The following USP30 variants were observed in gnomAD, a reference collection of about 807,000 sequenced individuals.
USP30 encodes the protein ubiquitin carboxyl-terminal hydrolase 30.
In USP30, 41 loss-of-function variants were observed where a neutral mutation model predicts 68.2. That is an observed-to-expected ratio of 0.60 (90% CI 0.47 to 0.78). USP30 has a LOEUF of 0.78. Among genes scored for constraint, USP30 ranks in the 30% least tolerant of loss-of-function variants. The probability of loss-of-function intolerance (pLI) is 0.00; values close to 1 mark genes in which losing one functional copy is unlikely to be tolerated. For missense variants in USP30, 522 were observed against 649.4 expected, an observed-to-expected ratio of 0.80 and a Z score of 2.13; for synonymous variants, 229 against 253.7, an observed-to-expected ratio of 0.90 and a Z score of 0.93.
intron 6 of USP30, among the ~76,000 whole-genome samples, chr12:109,073,201 A>G (rs1000006574): frequency 6.6e-6 from 1 of 152,246 alleles, no homozygotes; most frequent in Non-Finnish European, 1.5e-5. Context: ...CCTTTTTAAA[A>G]TGTGGCTCTA....
At chr12:109,024,456 T>C (rs1168206113) in intron 1 of USP30, among the ~76,000 whole-genome samples, 2 of 151,748 alleles carry the variant, frequency 1.3e-5, no homozygotes, top group Non-Finnish European at 2.9e-5. Flanking sequence ...GGGGGTATCA[T>C]CATGTTGCCC....
intron 7 of USP30, 88 bp downstream of exon 7, chr12:109,073,620 C>G: frequency 1.7e-6 from 2 of 1,172,874 alleles, no homozygotes; most frequent in Non-Finnish European, 2.5e-6. Context: ...GGGCTGACAT[C>G]GGTCACTGGT....
intron 3 of USP30, among the ~76,000 whole-genome samples, chr12:109,066,296 T>G (rs972429615): frequency 2.0e-5 from 3 of 151,752 alleles, no homozygotes; most frequent in African/African-American, 7.3e-5. Flanking sequence ...TTTCTGGACT[T>G]TTACAGAAAA....
chr12:109,025,862 A>G (rs1342905326), intron 2 of USP30, among the ~76,000 whole-genome samples: 1 of 151,586 alleles, frequency 6.6e-6, no homozygotes, highest in Non-Finnish European at 1.5e-5. Flanking sequence ...TAATTTTTGT[A>G]TTTTTTGTAG....
intron 3 of USP30, among the ~76,000 whole-genome samples, chr12:109,043,008 G>A (rs1421008847): frequency 6.6e-6 from 1 of 152,056 alleles, no homozygotes; most frequent in South Asian, 2.1e-4. Context: ...ATTTACAATA[G>A]CACCAAAAAG....
chr12:109,030,552 A>C (rs1384729684), intron 3 of USP30, among the ~76,000 whole-genome samples: 2 of 152,186 alleles, frequency 1.3e-5, no homozygotes, highest in Non-Finnish European at 2.9e-5. Context: ...CGATACTTGA[A>C]ATTTCTTAAA....
In USP30 at chr12:109,052,645, G is replaced by A. The variant is rs976428587; in HGVS notation, c.-34G>A. ...TCCGGCGGCGGCGGCGGCGGTAGCG[G>A]AGGAGACGGTTTCAGGCCTCCGGTG... On this transcript the variant is annotated 5_prime_UTR_variant, in exon 1 of 13. Coordinates refer to ENST00000257548, the MANE Select transcript of USP30 (RefSeq NM_032663.5). 30 of 1,470,368 alleles carry A rather than the reference G, an allele frequency of 2.0e-5. No homozygotes were observed. The highest frequency in any genetic ancestry group is 4.4e-5 in the African/African-American group (3 of 67,518). 91.1% of individuals were successfully genotyped at this position (1,470,368 alleles called of 1,614,324 possible). A position where few individuals can be genotyped will look rare whatever the true frequency, so the allele number is the denominator to read the frequency against.
chr12:109,035,812 A>G (rs2040514902), intron 3 of USP30, among the ~76,000 whole-genome samples: 1 of 152,226 alleles, frequency 6.6e-6, no homozygotes, highest in Non-Finnish European at 1.5e-5. Flanking sequence ...GCATAAATTT[A>G]TAATTATTGC....
chr12:109,063,642 C>T (rs1028590025), intron 3 of USP30, among the ~76,000 whole-genome samples: 18 of 152,126 alleles, frequency 1.2e-4, no homozygotes, highest in Admixed American at 1.2e-3. Context: ...ACAGATGGTG[C>T]ACGATTTTAT....
chr12:109,029,625 A>T (rs2040467474), intron 3 of USP30, among the ~76,000 whole-genome samples: 1 of 152,154 alleles, frequency 6.6e-6, no homozygotes, highest in Admixed American at 6.5e-5. Context: ...TCCGTGCCTG[A>T]GCTATCTTAT....
intron 4 of USP30, among the ~76,000 whole-genome samples, chr12:109,071,386 G>A (rs111502182): frequency 1.3e-5 from 2 of 152,208 alleles, no homozygotes; most frequent in African/African-American, 4.8e-5. Flanking sequence ...CGTGAAGGCA[G>A]CCACCTGGCT....
intron 3 of USP30, among the ~76,000 whole-genome samples, chr12:109,029,232 G>A (rs1324391694): frequency 6.6e-6 from 1 of 152,232 alleles, no homozygotes. Context: ...ATTAAAGAAA[G>A]AGGAAAGAAA....
intron 7 of USP30, among the ~76,000 whole-genome samples, chr12:109,078,585 C>G (rs1383412261): frequency 1.3e-5 from 2 of 149,112 alleles, no homozygotes; most frequent in East Asian, 3.9e-4. Context: ...GGCGACAAAG[C>G]GAGACTCCAT....
Position 109,052,692 on chromosome 12 carries a change from G to A in USP30, c.14G>A (p.Arg5Gln), listed in dbSNP as rs369047786. 2.6e-4 allele frequency: 380 copies of A among 1,488,630 alleles called. 1 individual carries two copies. Among genetic ancestry groups the A allele is most frequent in the Middle Eastern group, 9.4e-4 (5 of 5,344 alleles). 92.2% of individuals were successfully genotyped at this position (1,488,630 alleles called of 1,614,324 possible). A position where few individuals can be genotyped will look rare whatever the true frequency, so the allele number is the denominator to read the frequency against. Residue 5 changes from arginine to glutamine, a missense_variant, in exon 1 of 13, where the codon CGG becomes CAG. Physicochemically the swap from Arg to Gln is conservative, Grantham distance 43 (BLOSUM62 1). Coordinates refer to ENST00000257548, the MANE Select transcript of USP30 (RefSeq NM_032663.5). Reference sequence around the variant, plus strand: ...GGTGCGGCTGCAATGCTGAGCTCCCGGGCCGAGGCGGCGATGACCGCGGCC... The same window carrying A: ...GGTGCGGCTGCAATGCTGAGCTCCCAGGCCGAGGCGGCGATGACCGCGGCC... MLSS[R>Q]AEAAMTAADR... is the part of the protein sequence containing the mutation.
intron 1 of USP30, among the ~76,000 whole-genome samples, chr12:109,055,401 T>TATATACATATATATATATATATACATATA (rs61062424): frequency 1.7e-4 from 5 of 29,636 alleles, no homozygotes; most frequent in Non-Finnish European, 2.6e-4. Flanking sequence ...TATATATATA[T>TATATACATATATATATATATATACATATA]TTTTTTTTTT....
At chr12:109,049,919 C>T (rs55795364), upstream of USP30, among the ~76,000 whole-genome samples, 9,566 of 152,250 alleles carry the variant, frequency 0.063, 376 homozygotes, top group East Asian at 0.14. Flanking sequence ...TGCCAATAGA[C>T]TTGCTGTAGT....
chr12:109,054,806 CTTAACCAAG>C (rs1297258130), intron 1 of USP30: 1 of 152,172 alleles, frequency 6.6e-6, no homozygotes, highest in Non-Finnish European at 1.5e-5. Context: ...ATCCCACTTT[CTTAACCAAG>C]TTTGGTGCAT....
upstream of USP30, chr12:109,047,819 G>A (rs2040619136): frequency 1.3e-5 from 2 of 152,000 alleles, no homozygotes; most frequent in African/African-American, 4.8e-5. Flanking sequence ...GAAACCCTCT[G>A]CCTCTACAAA....
chr12:109,041,829 G>T lies in USP30; in HGVS notation c.-135-5761G>T, dbSNP rs996271764. Among the ~76,000 whole-genome samples the T allele has an allele frequency of 2.0e-5, 3 of 151,884 alleles. No individual in the cohort carries two copies. The East Asian group carries it at 5.8e-4, about 29-fold the overall frequency. On this transcript the variant is annotated intron_variant, in intron 3 of 15. Transcript: ENST00000392784. ...GAAGATCTGAGGTAAGAAAAGCTTT[G>T]AAGTGGGGTTTTAGGATCCCTCTGT...
Sources: allele counts gnomAD v4.1 joint callset (sites outside exome capture counted in the v4.1 genomes callset), GRCh38; gene constraint gnomAD v4.1.1; transcripts MANE v1.5; gene names NCBI Gene and HGNC (gene_info 2026-07-23, HGNC 2026-07-21).